Variants in UBAP1 observed in about 807,000 individuals in gnomAD.
UBAP1 encodes ubiquitin associated protein 1.
In UBAP1, 5 loss-of-function variants were observed where a neutral mutation model predicts 39.0. That is an observed-to-expected ratio of 0.13 (90% CI 0.07 to 0.27). The LOEUF (loss-of-function observed/expected upper bound fraction) is 0.27. Among genes scored for constraint, UBAP1 ranks in the 10% least tolerant of loss-of-function variants. The pLI, the probability that UBAP1 is intolerant of heterozygous loss-of-function variation, is 1.00. For missense variants in UBAP1, 490 were observed against 608.1 expected, an observed-to-expected ratio of 0.81 and a Z score of 2.04; for synonymous variants, 211 against 225.1, an observed-to-expected ratio of 0.94 and a Z score of 0.56.
At chr9:34,186,954 C>T (rs1271284989) in intron 1 of UBAP1, among the ~76,000 whole-genome samples, 4 of 151,998 alleles carry the variant, frequency 2.6e-5, no homozygotes, top group Admixed American at 1.3e-4. Context: ...GTTGCCCATG[C>T]GGGAGTGCAA....
At chr9:34,242,555 A>G (rs1362977401) in intron 4 of UBAP1, among the ~76,000 whole-genome samples, 2 of 150,778 alleles carry the variant, frequency 1.3e-5, no homozygotes, top group Admixed American at 6.6e-5. Context: ...TTTGAGACAG[A>G]GTCTTGCTCT....
chr9:34,194,786 C>T (rs1195845328), intron 1 of UBAP1, among the ~76,000 whole-genome samples: 1 of 152,054 alleles, frequency 6.6e-6, no homozygotes, highest in Non-Finnish European at 1.5e-5. Flanking sequence ...GAGATAGTTA[C>T]TATTATCTCT....
intron 3 of UBAP1, among the ~76,000 whole-genome samples, chr9:34,237,973 C>T (rs1265422597): frequency 6.6e-6 from 1 of 152,164 alleles, no homozygotes; most frequent in Non-Finnish European, 1.5e-5. Context: ...TTCATCACCC[C>T]AAAAGGAAAC....
At chr9:34,205,176 C>T (rs1005068501) in intron 1 of UBAP1, among the ~76,000 whole-genome samples, 2 of 152,024 alleles carry the variant, frequency 1.3e-5, no homozygotes, top group Admixed American at 6.6e-5. Context: ...GCCACCACAC[C>T]TGGCCAGTTT....
rs115392500 is a variant in UBAP1, at chr9:34,213,670, G to A, written c.-7-7238G>A. Among the ~76,000 whole-genome samples, 357 of 152,228 alleles carry A rather than the reference G, an allele frequency of 2.3e-3. 1 individual carries two copies. Among genetic ancestry groups the A allele is most frequent in the African/African-American group, 7.9e-3 (329 of 41,526 alleles). On this transcript the variant is annotated intron_variant, in intron 1 of 6. Transcript: ENST00000297661. ...AACATAGTACTGGAAGTCCTAGCCA[G>A]AACATTCAGACAAGGGAAAGAAAGA...
chr9:34,227,003 C>G (rs1036438361), intron 2 of UBAP1, among the ~76,000 whole-genome samples: 13 of 152,084 alleles, frequency 8.5e-5, no homozygotes, highest in African/African-American at 2.9e-4. Flanking sequence ...TTAAAGCTCC[C>G]TGTCTGATGT....
chr9:34,179,794 C>G (rs1445391921), intron 1 of UBAP1, among the ~76,000 whole-genome samples: 1 of 152,036 alleles, frequency 6.6e-6, no homozygotes, highest in African/African-American at 2.4e-5. Flanking sequence ...GGAGGCTTAC[C>G]TATACAGTCC....
At position 34,184,913 on chromosome 9, in the gene UBAP1, C is replaced by T. The variant is rs182049596; in HGVS notation, c.-8+5673C>T. 6.3e-3 allele frequency among the ~76,000 whole-genome samples: 938 copies of T among 149,136 alleles called. 11 individuals carry two copies. The highest frequency in any genetic ancestry group is 0.021 in the African/African-American group (854 of 40,596). On this transcript the variant is annotated intron_variant, in intron 1 of 6. Coordinates refer to ENST00000297661, the MANE Select transcript of UBAP1 (RefSeq NM_016525.5). ...CTGGGATTACAGGCGTGCGCCACCG[C>T]GCCCAGCCAATCCTTTTTTTTTTTT... is the stretch of plus-strand genomic sequence containing the variant.
intron 1 of UBAP1, among the ~76,000 whole-genome samples, chr9:34,187,307 C>G (rs1830459385): frequency 6.6e-6 from 1 of 152,146 alleles, no homozygotes; most frequent in South Asian, 2.1e-4. Flanking sequence ...TGTGGTATAT[C>G]TCATCTGACA....
At chr9:34,232,604 T>G (rs1363883790) in intron 2 of UBAP1, among the ~76,000 whole-genome samples, 1 of 152,104 alleles carries the variant, frequency 6.6e-6, no homozygotes, top group Non-Finnish European at 1.5e-5. Context: ...TTCTTCCTAA[T>G]GGAGAGTTTC....
At position 34,252,060 on chromosome 9, in the gene UBAP1, T is replaced by C. The variant is rs1372729571; in HGVS notation, c.*528T>C. 6.5e-6 allele frequency: 1 copy of C among 152,890 alleles called. No individual in the cohort carries two copies. Among genetic ancestry groups the C allele is most frequent in the African/African-American group, 2.4e-5 (1 of 41,452 alleles). 9.5% of individuals were successfully genotyped at this position (152,890 alleles called of 1,614,324 possible). On this transcript the variant is annotated 3_prime_UTR_variant, in exon 7 of 7. Coordinates refer to ENST00000297661, the MANE Select transcript of UBAP1 (RefSeq NM_016525.5). ...GTGTTAACACTGGTTCTGCAATATCTCTGAGGTGCAAAGAATGCACTTTTC... is the reference window on the plus strand; with the variant it reads ...GTGTTAACACTGGTTCTGCAATATCCCTGAGGTGCAAAGAATGCACTTTTC...
chr9:34,221,525 A>AT (rs1435616826), intron 2 of UBAP1, among the ~76,000 whole-genome samples: 2 of 134,900 alleles, frequency 1.5e-5, no homozygotes, highest in African/African-American at 5.3e-5. Context: ...GCGAGACTCC[A>AT]TTAAAAAAAA....
At chr9:34,195,246 T>TTTTTG (rs1830961219) in intron 1 of UBAP1, among the ~76,000 whole-genome samples, 1 of 152,084 alleles carries the variant, frequency 6.6e-6, no homozygotes, top group South Asian at 2.1e-4. Flanking sequence ...TATCTAAGAA[T>TTTTTG]TTTTGCTTAA....
chr9:34,187,823 CT>C lies in UBAP1; in HGVS notation c.-8+8590del, dbSNP rs201128030. ...AAACATCTTAGAAGAATGTTTTTTG[CT>C]TTTTTTAAAAAAAAAAACAAAACTG... On this transcript the variant is annotated intron_variant, in intron 1 of 6. Transcript: ENST00000297661. Among the ~76,000 whole-genome samples the C allele has an allele frequency of 7.5e-3, 1,088 of 144,640 alleles. 12 individuals carry two copies. The highest frequency in any genetic ancestry group is 0.026 in the African/African-American group (1,032 of 39,416). 94.9% of individuals were successfully genotyped at this position (144,640 alleles called of 152,430 possible).
chr9:34,192,823 A>AT (rs1436167814), intron 1 of UBAP1, among the ~76,000 whole-genome samples: 1 of 152,122 alleles, frequency 6.6e-6, no homozygotes, highest in Admixed American at 6.6e-5. Flanking sequence ...TATAATTTAG[A>AT]TTTTAGAATT....
At chr9:34,204,430 GTCTT>G (rs1831572901) in intron 1 of UBAP1, among the ~76,000 whole-genome samples, 1 of 151,884 alleles carries the variant, frequency 6.6e-6, no homozygotes, top group African/African-American at 2.4e-5. Flanking sequence ...AAGTATACTT[GTCTT>G]TCTGAGTCAA....
At chr9:34,192,515 CAAAAAAA>C (rs4008753) in intron 1 of UBAP1, among the ~76,000 whole-genome samples, 21,075 of 107,266 alleles carry the variant, frequency 0.2, 1,986 homozygotes, top group South Asian at 0.25. Context: ...GACTCCATCT[CAAAAAAA>C]AAAAAAAAAA....
chr9:34,179,259 T>A lies in UBAP1; in HGVS notation c.-8+19T>A. ...CATTCAGGTGAGGGGGGCCTCCCTC[T>A]GGGGGAGGGGGAAGAGGGGCGGAGT... On this transcript the variant is annotated intron_variant, in intron 1 of 6. Coordinates refer to ENST00000297661, the MANE Select transcript of UBAP1 (RefSeq NM_016525.5). 6.2e-6 allele frequency: 1 copy of A among 162,362 alleles called. No homozygotes were observed. The highest frequency in any genetic ancestry group is 7.2e-6 in the Non-Finnish European group (1 of 138,436). The allele number at this position is 162,362 out of a possible 1,614,324, so 10.1% of individuals were successfully genotyped here. A position where few individuals can be genotyped will look rare whatever the true frequency, so the allele number is the denominator to read the frequency against.
upstream of UBAP1, chr9:34,179,022 G>C (rs537440451): frequency 1.6e-6 from 2 of 1,259,282 alleles, no homozygotes; most frequent in East Asian, 3.1e-5. Context: ...CAAATGAGTG[G>C]GGCGGTGAGG....
Sources: gnomAD v4.1 joint callset for allele counts (sites outside exome capture counted in the v4.1 genomes callset) on GRCh38, gnomAD v4.1.1 for gene constraint, MANE v1.5 for transcripts, NCBI Gene and HGNC (gene_info 2026-07-23, HGNC 2026-07-21) for gene names.